Variants in DLG2 observed in about 807,000 individuals in gnomAD.
DLG2 encodes discs large MAGUK scaffold protein 2.
Under a neutral mutation model 132.5 loss-of-function variants are expected in DLG2, and 45 were observed. That is an observed-to-expected ratio of 0.34 (90% CI 0.27 to 0.44). The LOEUF (loss-of-function observed/expected upper bound fraction) is 0.44, where lower values mean the gene tolerates loss of function less well. DLG2 is among the 20% of genes least tolerant of loss of function. The probability of loss-of-function intolerance (pLI) is 1.00; values close to 1 mark genes in which losing one functional copy is unlikely to be tolerated. For missense variants in DLG2, 1,045 were observed against 1,196.9 expected, an observed-to-expected ratio of 0.87 and a Z score of 1.87; for synonymous variants, 424 against 419.6, an observed-to-expected ratio of 1.01 and a Z score of -0.13.
intron 6 of DLG2, among the ~76,000 whole-genome samples, chr11:84,682,397 C>T (rs1055764393): frequency 4.5e-4 from 69 of 152,318 alleles, no homozygotes; most frequent in African/African-American, 1.6e-3. Context: ...CTTTGAAACA[C>T]TACCACACAA....
intron 6 of DLG2, among the ~76,000 whole-genome samples, chr11:84,752,452 T>C (rs983421712): frequency 1.3e-5 from 2 of 152,142 alleles, no homozygotes; most frequent in African/African-American, 2.4e-5. Flanking sequence ...AGTAGAAGGA[T>C]GTATGTGGAC....
At chr11:84,839,388 G>T (rs1293462977) in intron 6 of DLG2, among the ~76,000 whole-genome samples, 1 of 152,044 alleles carries the variant, frequency 6.6e-6, no homozygotes, top group African/African-American at 2.4e-5. Flanking sequence ...TGGATAGGAA[G>T]AATCAATATC....
chr11:83,949,714 C>T (rs1402274729), intron 14 of DLG2, among the ~76,000 whole-genome samples: 1 of 152,076 alleles, frequency 6.6e-6, no homozygotes, highest in African/African-American at 2.4e-5. Flanking sequence ...ATAACTGAAA[C>T]TTTGTATCTT....
intron 9 of DLG2, among the ~76,000 whole-genome samples, chr11:84,112,869 T>C (rs1324707975): frequency 2.0e-5 from 3 of 152,232 alleles, no homozygotes; most frequent in African/African-American, 7.2e-5. Flanking sequence ...TTACTATCTC[T>C]TGACTTGTGA....
intron 3 of DLG2, among the ~76,000 whole-genome samples, chr11:85,574,609 A>G (rs2078045216): frequency 1.3e-5 from 2 of 152,158 alleles, no homozygotes; most frequent in Admixed American, 1.3e-4. Context: ...TCATGGGATG[A>G]ATCCCTCATG....
chr11:85,045,716 T>A (rs1352746176), intron 6 of DLG2, among the ~76,000 whole-genome samples: 1 of 152,060 alleles, frequency 6.6e-6, no homozygotes, highest in Non-Finnish European at 1.5e-5. Flanking sequence ...AACATATGCC[T>A]ACTTGTAAAG....
intron 7 of DLG2, among the ~76,000 whole-genome samples, chr11:84,318,724 T>C (rs1411232923): frequency 6.6e-6 from 1 of 152,218 alleles, no homozygotes; most frequent in East Asian, 1.9e-4. Context: ...GATATTAGCA[T>C]TGTGCCCATC....
Position 84,722,316 on chromosome 11 carries a change from T to C in DLG2, c.358-187585A>G, listed in dbSNP as rs946731449. Among the ~76,000 whole-genome samples the C allele has an allele frequency of 5.9e-5, 9 of 152,224 alleles. No homozygotes were observed. In the East Asian group the frequency reaches 1.7e-3, roughly 29 times the overall value. ...TAGAACCACATCCTCCTGATGCAAT[T>C]CCATCAGAATGTCAGACCACCTATA... On this transcript the variant is annotated intron_variant, in intron 6 of 27. Transcript: ENST00000376104.
At chr11:85,172,996 T>C (rs551680077) in intron 4 of DLG2, among the ~76,000 whole-genome samples, 3 of 152,098 alleles carry the variant, frequency 2.0e-5, no homozygotes, top group East Asian at 1.9e-4. Flanking sequence ...CTATGAATGA[T>C]TGGGGTACCT....
intron 3 of DLG2, among the ~76,000 whole-genome samples, chr11:85,358,257 A>C (rs1301673429): frequency 1.3e-5 from 2 of 152,170 alleles, no homozygotes; most frequent in African/African-American, 4.8e-5. Context: ...TTTCACTTCA[A>C]TTACATGGTG....
intron 7 of DLG2, among the ~76,000 whole-genome samples, chr11:84,418,598 G>T (rs187765676): frequency 6.6e-6 from 1 of 152,144 alleles, no homozygotes; most frequent in Non-Finnish European, 1.5e-5. Flanking sequence ...TGTCCAAATG[G>T]TTTTTGAATT....
intron 6 of DLG2, among the ~76,000 whole-genome samples, chr11:84,656,461 A>G (rs2099688414): frequency 6.6e-6 from 1 of 152,196 alleles, no homozygotes. Context: ...TCATACGAAG[A>G]GTATAGCCAA....
intron 7 of DLG2, among the ~76,000 whole-genome samples, chr11:84,473,057 T>G (rs1054788700): frequency 2.0e-5 from 3 of 151,908 alleles, no homozygotes; most frequent in African/African-American, 7.2e-5. Context: ...CTAATCTCCT[T>G]AATTTACAAA....
intron 6 of DLG2, among the ~76,000 whole-genome samples, chr11:85,009,058 C>A (rs1272973829): frequency 6.6e-6 from 1 of 151,600 alleles, no homozygotes; most frequent in Non-Finnish European, 1.5e-5. Context: ...GCCTGTAGAA[C>A]TGAAATATAG....
chr11:83,669,457 G>T (rs1174257746), intron 18 of DLG2, among the ~76,000 whole-genome samples: 1 of 152,052 alleles, frequency 6.6e-6, no homozygotes, highest in Non-Finnish European at 1.5e-5. Flanking sequence ...CTATGCCAAT[G>T]TATACATATA....
chr11:84,693,830 T>C (rs2058322416), intron 6 of DLG2, among the ~76,000 whole-genome samples: 1 of 151,714 alleles, frequency 6.6e-6, no homozygotes, highest in African/African-American at 2.4e-5. Context: ...CCACCTGAAA[T>C]GTTCTTCTTG....
chr11:83,634,017 GGA>G (rs1342524589), intron 18 of DLG2, among the ~76,000 whole-genome samples: 1 of 151,888 alleles, frequency 6.6e-6, no homozygotes, highest in African/African-American at 2.4e-5. Context: ...AGGGTATTGA[GGA>G]GAGACTCTAG....
intron 6 of DLG2, among the ~76,000 whole-genome samples, chr11:84,615,307 T>C (rs539981417): frequency 9.9e-5 from 15 of 152,142 alleles, no homozygotes; most frequent in African/African-American, 3.6e-4. Context: ...ATCGCACACA[T>C]AGTATACCCT....
intron 7 of DLG2, among the ~76,000 whole-genome samples, chr11:84,499,147 A>G (rs1194098807): frequency 6.6e-6 from 1 of 152,212 alleles, no homozygotes; most frequent in Non-Finnish European, 1.5e-5. Context: ...GGGAATATCA[A>G]ATCTGATGTG....
Sources: gnomAD v4.1 joint callset for allele counts (sites outside exome capture counted in the v4.1 genomes callset) on GRCh38, gnomAD v4.1.1 for gene constraint, MANE v1.5 for transcripts, NCBI Gene and HGNC (gene_info 2026-07-23, HGNC 2026-07-21) for gene names.